Variants in RAB11B observed in about 807,000 individuals in gnomAD.
RAB11B encodes the protein RAB11B, member RAS oncogene family, also known as ras-related protein Rab-11B.
RAB11B carries 7 observed loss-of-function variants against 23.7 expected under a neutral mutation model. The ratio of observed to expected loss-of-function variants is 0.29; its 90% CI spans 0.17 to 0.55. RAB11B has a LOEUF of 0.55. Among genes scored for constraint, RAB11B ranks in the 20% least tolerant of loss-of-function variants. The pLI, the probability that RAB11B is intolerant of heterozygous loss-of-function variation, is 0.93. For missense variants in RAB11B, 189 were observed against 320.0 expected, an observed-to-expected ratio of 0.59 and a Z score of 3.12; for synonymous variants, 138 against 132.0, an observed-to-expected ratio of 1.05 and a Z score of -0.31.
intron 1 of RAB11B, among the ~76,000 whole-genome samples, chr19:8,397,725 G>A (rs1971407590): frequency 6.6e-6 from 1 of 152,052 alleles, no homozygotes; most frequent in African/African-American, 2.4e-5. Context: ...GCTGCCTGGT[G>A]GGCTCCAGGG....
chr19:8,393,843 A>G (rs1034396224), intron 1 of RAB11B, among the ~76,000 whole-genome samples: 4 of 152,112 alleles, frequency 2.6e-5, no homozygotes, highest in African/African-American at 7.2e-5. Context: ...GGGCCACCAC[A>G]CTGTCATGGG....
intron 1 of RAB11B, among the ~76,000 whole-genome samples, chr19:8,397,493 C>G (rs889068464): frequency 1.3e-4 from 19 of 151,818 alleles, no homozygotes; most frequent in African/African-American, 4.6e-4. Context: ...TGCACAGGCC[C>G]GGGGGAGTGG....
chr19:8,400,226 A>C, intron 2 of RAB11B, 168 bp downstream of exon 2: 1 of 838,152 alleles, frequency 1.2e-6, no homozygotes, highest in Admixed American at 2.5e-5. Flanking sequence ...TGGGACCCTC[A>C]GGCTGACCAG....
chr19:8,393,213 C>T (rs1358791444), intron 1 of RAB11B, among the ~76,000 whole-genome samples: 1 of 152,220 alleles, frequency 6.6e-6, no homozygotes, highest in African/African-American at 2.4e-5. Context: ...ATTTTCATAG[C>T]CTGCCACTAA....
At position 8,402,173 on chromosome 19, in the gene RAB11B, G is replaced by T; in HGVS notation, c.324G>T (p.Glu108Asp). 6.2e-7 allele frequency: 1 copy of T among 1,604,132 alleles called. No individual in the cohort carries two copies. Among genetic ancestry groups the T allele is most frequent in the South Asian group, 1.1e-5 (1 of 89,346 alleles). Residue 108 changes from glutamate to aspartate, a missense_variant, in exon 3 of 5, where the codon GAG becomes GAT. Physicochemically the swap from Glu to Asp is conservative, Grantham distance 45 (BLOSUM62 2). Coordinates refer to ENST00000328024, the MANE Select transcript of RAB11B (RefSeq NM_004218.4). ...TYENVERWLKELRDHADSNIV... is the reference protein window; with the variant it reads ...TYENVERWLKDLRDHADSNIV... ...AGAACGTGGAGCGCTGGCTGAAGGA[G>T]CTGCGGGACCACGCAGACAGCAACA...
At chr19:8,399,045 C>T (rs566025198) in intron 1 of RAB11B, among the ~76,000 whole-genome samples, 12 of 151,636 alleles carry the variant, frequency 7.9e-5, no homozygotes, top group Admixed American at 2.0e-4. Context: ...CTCCGCCTCC[C>T]GGATTCACGC....
At position 8,390,403 on chromosome 19, in the gene RAB11B, G is replaced by T. The variant is rs749240352; in HGVS notation, c.-14G>T. 1 of 1,534,724 alleles carries T rather than the reference G, an allele frequency of 6.5e-7. No individual in the cohort carries two copies. Among genetic ancestry groups the T allele is most frequent in the Non-Finnish European group, 8.7e-7 (1 of 1,144,746 alleles). The stretch of plus-strand genomic sequence containing the variant: ...GGCTGCGGAGTCGCCGATCCCGCCG[G>T]AAGCGCCAGGACAATGGGGACCCGG... On this transcript the variant is annotated 5_prime_UTR_variant, in exon 1 of 5. Transcript: ENST00000328024.
chr19:8,400,064 T>C lies in RAB11B; in HGVS notation c.236+6T>C, dbSNP rs756293427. ...TACCGCGCCATCACCTCCGCGTGCGTGTCGGCAGCCTGGGCAGGGACGCTG... is the reference window on the plus strand; with the variant it reads ...TACCGCGCCATCACCTCCGCGTGCGCGTCGGCAGCCTGGGCAGGGACGCTG... On this transcript the variant is annotated splice_donor_region_variant and intron_variant, in intron 2 of 4. Transcript: ENST00000328024. 6.2e-7 allele frequency: 1 copy of C among 1,606,766 alleles called. No homozygotes were observed. Among genetic ancestry groups the C allele is most frequent in the Non-Finnish European group, 8.5e-7 (1 of 1,173,938 alleles).
intron 2 of RAB11B, among the ~76,000 whole-genome samples, chr19:8,401,316 A>G (rs1971435239): frequency 6.7e-6 from 1 of 149,910 alleles, no homozygotes. Context: ...TCCTGACCTC[A>G]TGATCTGCCC....
At chr19:8,403,228 C>T (rs1021422193) in intron 4 of RAB11B, among the ~76,000 whole-genome samples, 185 bp from the exon 5 acceptor site, 19 of 152,138 alleles carry the variant, frequency 1.2e-4, no homozygotes, top group African/African-American at 4.3e-4. Context: ...AGCGAGAGGC[C>T]GGGGCTGGCT....
In RAB11B at chr19:8,396,031, G is replaced by A. The variant is rs139322484; in HGVS notation, c.41-3832G>A. ...TAGCTTCAGGGTCCTGCTCTGCCCC[G>A]CACCCCGTTCCCCATCCAAGCCTCA... is the stretch of plus-strand genomic sequence containing the variant. On this transcript the variant is annotated intron_variant, in intron 1 of 4. Transcript: ENST00000328024. This position sits in a 1 kb window ranked among gnomAD's most constrained non-coding sequence, Gnocchi z 5.0. Among the ~76,000 whole-genome samples the A allele has an allele frequency of 2.0e-4, 31 of 152,310 alleles. No homozygotes were observed. Among genetic ancestry groups the A allele is most frequent in the African/African-American group, 6.0e-4 (25 of 41,584 alleles).
At chr19:8,399,533 A>G (rs1469872883) in intron 1 of RAB11B, among the ~76,000 whole-genome samples, 1 of 152,214 alleles carries the variant, frequency 6.6e-6, no homozygotes, top group African/African-American at 2.4e-5. Context: ...ACCAGGCTGC[A>G]GGTGGAGGCT....
intron 1 of RAB11B, among the ~76,000 whole-genome samples, chr19:8,392,684 T>C (rs1599684347): frequency 1.9e-5 from 2 of 107,280 alleles, no homozygotes; most frequent in East Asian, 2.2e-4. Context: ...CTTTTTCTTT[T>C]CTTTTTTTTT....
In RAB11B at chr19:8,404,010, G is replaced by C; in HGVS notation, c.*452G>C. On this transcript the variant is annotated 3_prime_UTR_variant, in exon 5 of 5. Coordinates refer to ENST00000328024, the MANE Select transcript of RAB11B (RefSeq NM_004218.4). ...CCAGGCAGCGGGGGCCGGGGCAGGC[G>C]GACCCCCCGGGCTCTCAGCGCCCAC... is the stretch of plus-strand genomic sequence containing the variant. 1 of 160,578 alleles carries C rather than the reference G, an allele frequency of 6.2e-6. No homozygotes were observed. Among genetic ancestry groups the C allele is most frequent in the Non-Finnish European group, 1.4e-5 (1 of 73,520 alleles). 9.9% of individuals were successfully genotyped at this position (160,578 alleles called of 1,614,324 possible).
Position 8,390,445 on chromosome 19 carries a change from A to G in RAB11B, c.29A>G (p.Tyr10Cys). 1.3e-6 allele frequency: 2 copies of G among 1,513,004 alleles called. No homozygotes were observed. The highest frequency in any genetic ancestry group is 1.8e-6 in the Non-Finnish European group (2 of 1,136,468). 93.7% of individuals were successfully genotyped at this position (1,513,004 alleles called of 1,614,324 possible). A position where few individuals can be genotyped will look rare whatever the true frequency, so the allele number is the denominator to read the frequency against. Residue 10 changes from tyrosine to cysteine, a missense_variant, in exon 1 of 5, where the codon TAC becomes TGC. Around this residue, in one of 5 missense-constraint regions of RAB11B, gnomAD observed 20 missense variants for 16.2 expected, o/e 1.24. Transcript: ENST00000328024. ...GGGACCCGGGACGACGAGTACGACT[A>G]CCTATTCAAAGGTGCGGCCGGTGGG... MGTRDDEYD[Y>C]LFKVVLIGDS...
At position 8,402,071 on chromosome 19, in the gene RAB11B, C is replaced by A; in HGVS notation, c.237-15C>A. ...GTTGTCCTCCAGAGAGGCTCATGGGCCCCTGACCCTGCAGGTACTACCGTG... is the reference window on the plus strand; with the variant it reads ...GTTGTCCTCCAGAGAGGCTCATGGGACCCTGACCCTGCAGGTACTACCGTG... On this transcript the variant is annotated splice_polypyrimidine_tract_variant and intron_variant, in intron 2 of 4. Transcript: ENST00000328024. 1 of 1,565,670 alleles carries A rather than the reference C, an allele frequency of 6.4e-7. No individual in the cohort carries two copies. The highest frequency in any genetic ancestry group is 2.4e-5 in the East Asian group (1 of 42,550).
intron 1 of RAB11B, among the ~76,000 whole-genome samples, chr19:8,397,755 A>C (rs3097188): frequency 0.25 from 38,186 of 151,910 alleles, 5,295 homozygotes; most frequent in Middle Eastern, 0.31. Context: ...TCAATGTAGC[A>C]GGGGTCCCGA....
Position 8,396,371 on chromosome 19 carries a change from G to A in RAB11B, c.41-3492G>A, listed in dbSNP as rs1390835677. Reference sequence around the variant, plus strand: ...TTCTTGGGTGTTTATTGTGTGCCAAGCACTGTGCCAGGACCTGATTCCTGC... The same window carrying A: ...TTCTTGGGTGTTTATTGTGTGCCAAACACTGTGCCAGGACCTGATTCCTGC... On this transcript the variant is annotated intron_variant, in intron 1 of 4. Coordinates refer to ENST00000328024, the MANE Select transcript of RAB11B (RefSeq NM_004218.4). This position sits in a 1 kb window ranked among gnomAD's most constrained non-coding sequence, Gnocchi z 5.0. Among the ~76,000 whole-genome samples the A allele has an allele frequency of 6.6e-6, 1 of 152,222 alleles. No homozygotes were observed. Among genetic ancestry groups the A allele is most frequent in the African/African-American group, 2.4e-5 (1 of 41,466 alleles).
rs763994748 is a variant in RAB11B at position 8,396,030 on chromosome 19, C to T, written c.41-3833C>T. ...ATAGCTTCAGGGTCCTGCTCTGCCC[C>T]GCACCCCGTTCCCCATCCAAGCCTC... On this transcript the variant is annotated intron_variant, in intron 1 of 4. Transcript: ENST00000328024. This position sits in a 1 kb window ranked among gnomAD's most constrained non-coding sequence, Gnocchi z 5.0. Among the ~76,000 whole-genome samples the T allele has an allele frequency of 5.5e-4, 83 of 152,212 alleles. No individual in the cohort carries two copies. Among genetic ancestry groups the T allele is most frequent in the Non-Finnish European group, 7.9e-4 (54 of 68,036 alleles).
Sources: allele counts gnomAD v4.1 joint callset (sites outside exome capture counted in the v4.1 genomes callset), GRCh38; gene constraint gnomAD v4.1.1; regional missense constraint gnomAD v4.1.1; non-coding constraint Gnocchi (gnomAD v3.1); transcripts MANE v1.5; gene names NCBI Gene and HGNC (gene_info 2026-07-23, HGNC 2026-07-21).